The following EHBP1 variants were observed in gnomAD, a reference collection of about 807,000 sequenced individuals.
The protein encoded by EHBP1 is EH domain-binding protein 1.
EHBP1 carries 55 observed loss-of-function variants against 144.0 expected under a neutral mutation model. The ratio of observed to expected loss-of-function variants is 0.38; its 90% CI spans 0.31 to 0.48. The LOEUF (loss-of-function observed/expected upper bound fraction) is 0.48. Ranked by LOEUF, EHBP1 falls within the 20% of genes least tolerant of loss-of-function variation. The probability of loss-of-function intolerance (pLI) is 0.98; values close to 1 mark genes in which losing one functional copy is unlikely to be tolerated. For missense variants in EHBP1, 1,200 were observed against 1,364.2 expected, an observed-to-expected ratio of 0.88 and a Z score of 1.90; for synonymous variants, 469 against 472.7, an observed-to-expected ratio of 0.99 and a Z score of 0.10.
chr2:62,848,504 C>T (rs907628435), intron 7 of EHBP1, among the ~76,000 whole-genome samples: 7 of 152,082 alleles, frequency 4.6e-5, no homozygotes, highest in African/African-American at 9.7e-5. Flanking sequence ...GCAATTTATT[C>T]GTAATAGTCC....
At chr2:63,004,967 G>A (rs140429541) in intron 19 of EHBP1, among the ~76,000 whole-genome samples, 1 of 152,052 alleles carries the variant, frequency 6.6e-6, no homozygotes, top group African/African-American at 2.4e-5. Flanking sequence ...TCTGAAGCAG[G>A]TGGTCCACAG....
chr2:62,889,761 G>A (rs1278178206), intron 10 of EHBP1, among the ~76,000 whole-genome samples: 3 of 151,618 alleles, frequency 2.0e-5, no homozygotes, highest in South Asian at 4.2e-4. Flanking sequence ...GTCTATTTTT[G>A]TACTTGTTTT....
chr2:62,937,471 C>G (rs974534225), intron 10 of EHBP1, among the ~76,000 whole-genome samples: 4 of 152,038 alleles, frequency 2.6e-5, no homozygotes, highest in African/African-American at 9.7e-5. Context: ...AATTAATAAG[C>G]CTTTTTGTAG....
At chr2:62,915,231 G>A (rs1326807259) in intron 10 of EHBP1, among the ~76,000 whole-genome samples, 2 of 151,964 alleles carry the variant, frequency 1.3e-5, no homozygotes, top group Admixed American at 6.6e-5. Context: ...AACTGTGATT[G>A]CATAGTTTTT....
At chr2:62,857,754 G>A (rs2049173742) in intron 7 of EHBP1, among the ~76,000 whole-genome samples, 1 of 151,650 alleles carries the variant, frequency 6.6e-6, no homozygotes, top group African/African-American at 2.4e-5. Flanking sequence ...GTAAAAAATT[G>A]TATCTTAAAT....
intron 3 of EHBP1, among the ~76,000 whole-genome samples, chr2:62,754,415 T>C (rs1221976156): frequency 1.3e-5 from 2 of 152,176 alleles, no homozygotes; most frequent in Non-Finnish European, 1.5e-5. Flanking sequence ...GGGGGGTGCC[T>C]CCCAGTTAGG....
intron 5 of EHBP1, among the ~76,000 whole-genome samples, chr2:62,779,808 CT>C: frequency 6.6e-6 from 1 of 152,214 alleles, no homozygotes; most frequent in South Asian, 2.1e-4. Context: ...TTCAACTTAA[CT>C]TTTTTGGTTA....
intron 10 of EHBP1, among the ~76,000 whole-genome samples, chr2:62,934,813 G>A (rs1360815847): frequency 6.6e-6 from 1 of 152,032 alleles, no homozygotes; most frequent in Non-Finnish European, 1.5e-5. Flanking sequence ...ACCAAACTGG[G>A]GTCAGTTTTA....
At chr2:62,727,804 T>C (rs541152780) in intron 2 of EHBP1, among the ~76,000 whole-genome samples, 9 of 152,316 alleles carry the variant, frequency 5.9e-5, no homozygotes, top group African/African-American at 1.9e-4. Flanking sequence ...TGGCTCCCTG[T>C]ATAATAAAAA....
intron 21 of EHBP1, chr2:63,044,442 G>T (rs527963907): frequency 6.6e-6 from 1 of 152,148 alleles, no homozygotes; most frequent in Non-Finnish European, 1.5e-5. Context: ...ATCGAGAGCT[G>T]CAGTGTAATA....
At chr2:63,041,496 C>A (rs550929893) in intron 21 of EHBP1, among the ~76,000 whole-genome samples, 2 of 152,056 alleles carry the variant, frequency 1.3e-5, no homozygotes, top group Non-Finnish European at 2.9e-5. Context: ...TTGAAGTGGG[C>A]GCTCTTCTAA....
intron 19 of EHBP1, among the ~76,000 whole-genome samples, chr2:63,022,130 C>T (rs17657533): frequency 0.091 from 13,797 of 152,122 alleles, 836 homozygotes; most frequent in Non-Finnish European, 0.13. Flanking sequence ...GCATTACTGA[C>T]CCTTGTTAGG....
intron 6 of EHBP1, among the ~76,000 whole-genome samples, chr2:62,830,286 C>T (rs532518970): frequency 1.3e-5 from 2 of 151,628 alleles, no homozygotes; most frequent in South Asian, 4.2e-4. Flanking sequence ...CAGGCGCATG[C>T]CACCACGCCC....
intron 2 of EHBP1, among the ~76,000 whole-genome samples, chr2:62,724,295 T>A (rs1327697482): frequency 2.6e-5 from 4 of 152,216 alleles, no homozygotes; most frequent in Admixed American, 1.3e-4. Context: ...ATTATGAAAT[T>A]CTTGTAGTGT....
intron 1 of EHBP1, among the ~76,000 whole-genome samples, chr2:62,683,411 G>A (rs551476951): frequency 2.0e-5 from 3 of 152,172 alleles, no homozygotes; most frequent in Admixed American, 6.5e-5. Flanking sequence ...TGTAATCCCC[G>A]CACTTTGGGA....
chr2:62,782,025 C>A (rs1403556469), intron 5 of EHBP1, among the ~76,000 whole-genome samples: 1 of 152,166 alleles, frequency 6.6e-6, no homozygotes, highest in Non-Finnish European at 1.5e-5. Flanking sequence ...CGCCCAAGAA[C>A]ACACAGAAAG....
At chr2:62,998,676 C>T (rs2059735798) in intron 19 of EHBP1, among the ~76,000 whole-genome samples, 2 of 152,080 alleles carry the variant, frequency 1.3e-5, no homozygotes, top group African/African-American at 4.8e-5. Flanking sequence ...TTGAAATGGC[C>T]CCATTCCAAC....
chr2:62,773,526 ATAGT>A (rs529447496), intron 5 of EHBP1, among the ~76,000 whole-genome samples: 325 of 152,188 alleles, frequency 2.1e-3, no homozygotes, highest in Non-Finnish European at 4.2e-3. Flanking sequence ...AATGAATGGT[ATAGT>A]TAAACTCTGT....
At chr2:62,792,555 T>G (rs2043231136) in intron 5 of EHBP1, among the ~76,000 whole-genome samples, 1 of 152,084 alleles carries the variant, frequency 6.6e-6, no homozygotes. Context: ...AACTCATCAC[T>G]TATTTATATA....
Sources: allele counts gnomAD v4.1 joint callset (sites outside exome capture counted in the v4.1 genomes callset), GRCh38; gene constraint gnomAD v4.1.1; transcripts MANE v1.5; gene names NCBI Gene and HGNC (gene_info 2026-07-23, HGNC 2026-07-21).